SPG21: variants seen among roughly 807,000 people sequenced by gnomAD.
The protein encoded by SPG21 is SPG21 abhydrolase domain containing, maspardin.
A neutral mutation model predicts 38.9 loss-of-function variants in SPG21; 26 were observed. The ratio of observed to expected loss-of-function variants is 0.67; its 90% CI spans 0.49 to 0.93. The LOEUF (loss-of-function observed/expected upper bound fraction) is 0.93. Among genes scored for constraint, SPG21 ranks in the 40% least tolerant of loss-of-function variants. SPG21 has a pLI of 0.00. For missense variants in SPG21, 333 were observed against 376.5 expected, an observed-to-expected ratio of 0.88 and a Z score of 0.96; for synonymous variants, 136 against 128.9, an observed-to-expected ratio of 1.05 and a Z score of -0.37.
At chr15:64,985,336 C>G (rs2085969820) in intron 1 of SPG21, among the ~76,000 whole-genome samples, 1 of 152,156 alleles carries the variant, frequency 6.6e-6, no homozygotes, top group Non-Finnish European at 1.5e-5. Flanking sequence ...TAGATCAGTG[C>G]TTGGCACACA....
chr15:64,989,278 G>GAA, intron 1 of SPG21: 1 of 148,362 alleles, frequency 6.7e-6, no homozygotes, highest in East Asian at 2.0e-4. Flanking sequence ...AGTTTGCTGA[G>GAA]AAAAAAAAAA....
At chr15:64,983,702 G>T in intron 1 of SPG21, 109 bp from the exon 2 acceptor site, 1 of 724,214 alleles carries the variant, frequency 1.4e-6, no homozygotes, top group African/African-American at 1.8e-5. Context: ...AGAAAGCCAA[G>T]GAAACTGGCT....
Position 64,963,457 on chromosome 15 carries a change from A to G in SPG21, c.*163T>C. Reference sequence around the variant, plus strand: ...GGGAACAGTTACACAGGCTTAGTGGAGATGCCGCCTGTCATGAAGATGACC... The same window carrying G: ...GGGAACAGTTACACAGGCTTAGTGGGGATGCCGCCTGTCATGAAGATGACC... On this transcript the variant is annotated 3_prime_UTR_variant, in exon 9 of 9. Coordinates refer to ENST00000204566, the MANE Select transcript of SPG21 (RefSeq NM_016630.7). 1 of 659,166 alleles carries G rather than the reference A, an allele frequency of 1.5e-6. No individual in the cohort carries two copies. Among genetic ancestry groups the G allele is most frequent in the East Asian group, 2.6e-5 (1 of 39,064 alleles). The allele number at this position is 659,166 out of a possible 1,614,324, so 40.8% of individuals were successfully genotyped here.
Position 64,976,994 on chromosome 15 carries a change from A to C in SPG21, c.226-439T>G, listed in dbSNP as rs867310591. ...CTCTCTTTTTGGTAGCATTTCTTTA[A>C]GAGGGTATTCAGTAAAATTGTTCCT... On this transcript the variant is annotated intron_variant, in intron 3 of 8. Coordinates refer to ENST00000204566, the MANE Select transcript of SPG21 (RefSeq NM_016630.7). Among the ~76,000 whole-genome samples, 31 of 152,230 alleles carry C rather than the reference A, an allele frequency of 2.0e-4. 1 individual carries two copies. Among genetic ancestry groups the C allele is most frequent in the African/African-American group, 6.5e-4 (27 of 41,470 alleles).
At chr15:64,986,488 C>T (rs2085995017) in intron 1 of SPG21, among the ~76,000 whole-genome samples, 1 of 152,066 alleles carries the variant, frequency 6.6e-6, no homozygotes, top group African/African-American at 2.4e-5. Context: ...GAGTTCAAGA[C>T]CAGCCTGACC....
intron 1 of SPG21, among the ~76,000 whole-genome samples, chr15:64,985,436 G>A (rs1336965758): frequency 6.6e-6 from 1 of 152,198 alleles, no homozygotes; most frequent in African/African-American, 2.4e-5. Context: ...GTGAGCTTTG[G>A]CCTAGCTGAA....
intron 7 of SPG21, 98 bp downstream of exon 7, chr15:64,969,157 G>A (rs967000921): frequency 1.2e-6 from 1 of 860,234 alleles, no homozygotes; most frequent in Admixed American, 1.9e-5. Flanking sequence ...GGCAGCATTT[G>A]AAGAGGTACA....
At chr15:64,966,883 AGTGAGACTTT>A (rs1242638007) in intron 7 of SPG21, among the ~76,000 whole-genome samples, 1 of 144,066 alleles carries the variant, frequency 6.9e-6, no homozygotes, top group Non-Finnish European at 1.5e-5. Context: ...TAGGCAACTG[AGTGAGACTTT>A]GTCTCAAAAA....
At chr15:64,971,425 G>A (rs1020714467) in intron 5 of SPG21, among the ~76,000 whole-genome samples, 1 of 152,052 alleles carries the variant, frequency 6.6e-6, no homozygotes, top group Non-Finnish European at 1.5e-5. Context: ...TGTAGTCCCA[G>A]CTACTCGGGA....
intron 1 of SPG21, among the ~76,000 whole-genome samples, chr15:64,988,258 A>G (rs2086038554): frequency 6.6e-6 from 1 of 152,128 alleles, no homozygotes. Context: ...AAAACCTGCC[A>G]GTTGTGACTA....
rs1334753672 is a variant in SPG21, at chr15:64,987,789, C to T, written c.-25+1876G>A. ...GTGGCTCACGCCTATAATCCCAGCACTTTGGGAGGCTGAGGCAGGTGGATC... is the reference window on the plus strand; with the variant it reads ...GTGGCTCACGCCTATAATCCCAGCATTTTGGGAGGCTGAGGCAGGTGGATC... On this transcript the variant is annotated intron_variant, in intron 1 of 8. Coordinates refer to ENST00000204566, the MANE Select transcript of SPG21 (RefSeq NM_016630.7). Among the ~76,000 whole-genome samples, 4 of 152,272 alleles carry T rather than the reference C, an allele frequency of 2.6e-5. No individual in the cohort carries two copies. The East Asian group carries it at 7.7e-4, about 29-fold the overall frequency.
intron 5 of SPG21, among the ~76,000 whole-genome samples, chr15:64,973,390 A>G (rs2085710164): frequency 6.6e-6 from 1 of 152,150 alleles, no homozygotes. Context: ...CAATGAAAGG[A>G]TGGCTCCTAG....
rs56821289 is a variant in SPG21, at chr15:64,980,737, C to CAACAAACA, written c.225+119_225+126dup. ...CGGGCGACAGAGTGAGAATCCATCT[C>CAACAAACA]AACAAACAAACAAACAAACAAACAA... On this transcript the variant is annotated intron_variant, in intron 3 of 8. Transcript: ENST00000204566. 0.022 allele frequency: 18,913 copies of CAACAAACA among 862,938 alleles called. 239 individuals carry two copies. The highest frequency in any genetic ancestry group is 0.035 in the South Asian group (2,225 of 63,396). 53.5% of individuals were successfully genotyped at this position (862,938 alleles called of 1,614,324 possible). A position where few individuals can be genotyped will look rare whatever the true frequency, so the allele number is the denominator to read the frequency against.
At chr15:64,980,803 G>T in intron 3 of SPG21, 61 bp downstream of exon 3, 1 of 1,551,250 alleles carries the variant, frequency 6.4e-7, no homozygotes, top group South Asian at 1.1e-5. Context: ...ATGAGAGACA[G>T]AAGCATAAAA....
chr15:64,981,150 C>G, intron 2 of SPG21, 125 bp from the exon 3 acceptor site: 3 of 1,136,696 alleles, frequency 2.6e-6, no homozygotes, highest in Non-Finnish European at 3.8e-6. Context: ...TAACCTGGAG[C>G]TCACACCAGA....
At chr15:64,973,712 G>A (rs929891868) in intron 5 of SPG21, among the ~76,000 whole-genome samples, 7 of 152,172 alleles carry the variant, frequency 4.6e-5, no homozygotes, top group Non-Finnish European at 7.3e-5. Flanking sequence ...GCCTCCCAAA[G>A]TGCTGGGATT....
At position 64,969,776 on chromosome 15, in the gene SPG21, AAC is replaced by A. The variant is rs551192164; in HGVS notation, c.561+336_561+337del. On this transcript the variant is annotated intron_variant, in intron 6 of 8. Coordinates refer to ENST00000204566, the MANE Select transcript of SPG21 (RefSeq NM_016630.7). ...GCCCAGCAGTTCCTAAATGCAAGCCAACAGACCTGGTTCATCAGATTTACCTG... is the reference window on the plus strand; with the variant it reads ...GCCCAGCAGTTCCTAAATGCAAGCCAAGACCTGGTTCATCAGATTTACCTG... Among the ~76,000 whole-genome samples the A allele has an allele frequency of 3.5e-4, 53 of 152,008 alleles. 1 individual carries two copies. Among genetic ancestry groups the A allele is most frequent in the African/African-American group, 1.3e-3 (53 of 41,452 alleles).
intron 1 of SPG21, among the ~76,000 whole-genome samples, chr15:64,986,914 C>A (rs182159794): frequency 2.0e-5 from 3 of 152,122 alleles, no homozygotes; most frequent in Non-Finnish European, 4.4e-5. Context: ...TTATTAGAAA[C>A]AATCTATTCT....
intron 5 of SPG21, among the ~76,000 whole-genome samples, chr15:64,972,849 AAAAC>A (rs1381380572): frequency 2.0e-5 from 3 of 146,594 alleles, no homozygotes; most frequent in Non-Finnish European, 3.1e-5. Context: ...AACAAACAAA[AAAAC>A]AAACAACAAC....
Sources: gnomAD v4.1 joint callset for allele counts (sites outside exome capture counted in the v4.1 genomes callset) on GRCh38, gnomAD v4.1.1 for gene constraint, MANE v1.5 for transcripts, NCBI Gene and HGNC (gene_info 2026-07-23, HGNC 2026-07-21) for gene names.